The following C7 variants were observed in gnomAD, a reference collection of about 807,000 sequenced individuals.
C7 encodes complement C7, also known as complement component C7.
In C7, 83 loss-of-function variants were observed where a neutral mutation model predicts 104.8. The ratio of observed to expected loss-of-function variants is 0.79; its 90% CI spans 0.66 to 0.95. The LOEUF (loss-of-function observed/expected upper bound fraction) is 0.95, where lower values mean the gene tolerates loss of function less well. Among genes scored for constraint, C7 ranks in the 40% least tolerant of loss-of-function variants. The probability of loss-of-function intolerance (pLI) is 0.00; values close to 1 mark genes in which losing one functional copy is unlikely to be tolerated. For synonymous variants in C7, 415 were observed against 360.6 expected, an observed-to-expected ratio of 1.15 and a Z score of -1.71; for missense variants, 1,070 against 1,011.2, an observed-to-expected ratio of 1.06 and a Z score of -0.79.
At chr5:40,913,598 G>C (rs977250178) in intron 1 of C7, among the ~76,000 whole-genome samples, 1 of 152,152 alleles carries the variant, frequency 6.6e-6, no homozygotes, top group African/African-American at 2.4e-5. Flanking sequence ...GGGCTCAAGT[G>C]ATCCTCCTGC....
intron 1 of C7, among the ~76,000 whole-genome samples, chr5:40,925,905 T>G (rs1739541353): frequency 6.6e-6 from 1 of 152,164 alleles, no homozygotes; most frequent in African/African-American, 2.4e-5. Context: ...TCAAATTCTT[T>G]TTACAAGGCC....
In C7 at chr5:40,910,457, G is replaced by A. The variant is rs868824419; in HGVS notation, c.6+841G>A. 7.2e-5 allele frequency among the ~76,000 whole-genome samples: 11 copies of A among 152,172 alleles called. 2 individuals carry two copies. The South Asian group carries it at 1.2e-3, about 17-fold the overall frequency. ...CCATTGGGGCACCGAATCCAAGCTC[G>A]CTCATTATTGGGGTTAGAGGAGGAG... On this transcript the variant is annotated intron_variant, in intron 1 of 17. Coordinates refer to ENST00000313164, the MANE Select transcript of C7 (RefSeq NM_000587.4).
intron 1 of C7, among the ~76,000 whole-genome samples, chr5:40,920,009 T>C (rs891500589): frequency 1.3e-5 from 2 of 151,782 alleles, no homozygotes; most frequent in African/African-American, 4.8e-5. Context: ...ATAAATGAAA[T>C]AGAGACTAGA....
chr5:40,961,328 A>T (rs1343649704), intron 12 of C7, among the ~76,000 whole-genome samples: 2 of 152,184 alleles, frequency 1.3e-5, no homozygotes, highest in Non-Finnish European at 2.9e-5. Context: ...AATGCTTAGT[A>T]AAAGGTAGTT....
rs1458881997 is a variant in C7 at position 40,955,575 on chromosome 5, G to A, written c.1260+22G>A. ...AAAGGTATGTCAGGCTTTGTTTAAA[G>A]CAATAGGAAGCAGTCATGTTTATTT... On this transcript the variant is annotated intron_variant, in intron 10 of 17. Coordinates refer to ENST00000313164, the MANE Select transcript of C7 (RefSeq NM_000587.4). The A allele has an allele frequency of 1.2e-5, 19 of 1,595,216 alleles. 1 individual carries two copies. Among genetic ancestry groups the A allele is most frequent in the Non-Finnish European group, 1.6e-5 (19 of 1,169,670 alleles).
chr5:40,964,945 C>T, intron 14 of C7, 72 bp downstream of exon 14: 1 of 1,542,400 alleles, frequency 6.5e-7, no homozygotes, highest in South Asian at 1.1e-5. Context: ...AGATAAATAA[C>T]ACTCACCATA....
At chr5:40,960,953 C>T (rs1194317189) in intron 12 of C7, among the ~76,000 whole-genome samples, 1 of 152,112 alleles carries the variant, frequency 6.6e-6, no homozygotes, top group Non-Finnish European at 1.5e-5. Context: ...AGGATTGGCA[C>T]TTGTGGGATG....
rs141587432 is a variant in C7, at chr5:40,962,321, T to C, written c.1749+149T>C. ...AGTTTTAGTGGTGAGGGTTTTAGTG[T>C]GTGACTTTTTTTCTTTGGCCCAAGG... On this transcript the variant is annotated intron_variant, in intron 13 of 17. Coordinates refer to ENST00000313164, the MANE Select transcript of C7 (RefSeq NM_000587.4). The C allele has an allele frequency of 4.8e-4, 232 of 487,342 alleles. 1 individual carries two copies. The highest frequency in any genetic ancestry group is 3.8e-3 in the African/African-American group (197 of 52,074). The allele number at this position is 487,342 out of a possible 1,614,324, so 30.2% of individuals were successfully genotyped here.
chr5:40,945,412 T>A (rs543611288), intron 7 of C7, 44 bp downstream of exon 7: 194 of 1,330,954 alleles, frequency 1.5e-4, no homozygotes, highest in Admixed American at 4.3e-4. Context: ...TTTACTTTTT[T>A]AAGTATTGCT....
Position 40,964,338 on chromosome 5 carries a change from C to T in C7, c.1750-403C>T, listed in dbSNP as rs185432326. ...AATTACAGGCATGAGACACCATGCC[C>T]GGCCTGGTAATACCTTAATATGAAG... is the stretch of plus-strand genomic sequence containing the variant. On this transcript the variant is annotated intron_variant, in intron 13 of 17. Coordinates refer to ENST00000313164, the MANE Select transcript of C7 (RefSeq NM_000587.4). The T allele has an allele frequency of 2.2e-4, 37 of 167,804 alleles. No individual in the cohort carries two copies. In the South Asian group the frequency reaches 5.3e-3, roughly 24 times the overall value. 10.4% of individuals were successfully genotyped at this position (167,804 alleles called of 1,614,324 possible). A position where few individuals can be genotyped will look rare whatever the true frequency, so the allele number is the denominator to read the frequency against.
At chr5:40,910,277 A>C (rs1201493289) in intron 1 of C7, among the ~76,000 whole-genome samples, 1 of 152,246 alleles carries the variant, frequency 6.6e-6, no homozygotes, top group African/African-American at 2.4e-5. Flanking sequence ...TCATAGACTA[A>C]ATCTCTGGAA....
At chr5:40,951,179 A>G (rs1425356613) in intron 9 of C7, among the ~76,000 whole-genome samples, 1 of 152,176 alleles carries the variant, frequency 6.6e-6, no homozygotes, top group East Asian at 1.9e-4. Flanking sequence ...TGCTTTTGAG[A>G]AGTGTCCGTT....
chr5:40,981,597 T>G lies in C7; in HGVS notation c.*24T>G. ...AGGCTCCTGGAGGCCCTGGTCAGCTTGCTTGGAATCCAGCAGGCAGCTGGG... is the reference window on the plus strand; with the variant it reads ...AGGCTCCTGGAGGCCCTGGTCAGCTGGCTTGGAATCCAGCAGGCAGCTGGG... On this transcript the variant is annotated 3_prime_UTR_variant, in exon 18 of 18. Transcript: ENST00000313164. The G allele has an allele frequency of 6.3e-7, 1 of 1,580,432 alleles. No individual in the cohort carries two copies. The highest frequency in any genetic ancestry group is 8.6e-7 in the Non-Finnish European group (1 of 1,159,142).
rs1740830797 is a variant in C7, at chr5:40,976,859, C to A, written c.2165+19C>A. Reference sequence around the variant, plus strand: ...AATGTGGGTAAGTGCCGCCTTTGCTCATTTCTCTGTTTTATTTTATTAATG... The same window carrying A: ...AATGTGGGTAAGTGCCGCCTTTGCTAATTTCTCTGTTTTATTTTATTAATG... On this transcript the variant is annotated intron_variant, in intron 16 of 17. Coordinates refer to ENST00000313164, the MANE Select transcript of C7 (RefSeq NM_000587.4). The A allele has an allele frequency of 6.5e-7, 1 of 1,545,272 alleles. No individual in the cohort carries two copies. The highest frequency in any genetic ancestry group is 1.2e-5 in the South Asian group (1 of 83,934).
intron 1 of C7, among the ~76,000 whole-genome samples, chr5:40,917,312 A>G (rs1474076966): frequency 1.3e-5 from 2 of 151,562 alleles, no homozygotes; most frequent in South Asian, 2.1e-4. Context: ...TTTACTCTTT[A>G]CTTATTAGAC....
rs1740982116 is a variant in C7 at position 40,982,961 on chromosome 5, T to C, written c.*1388T>C. On this transcript the variant is annotated 3_prime_UTR_variant, in exon 18 of 18. Coordinates refer to ENST00000313164, the MANE Select transcript of C7 (RefSeq NM_000587.4). ...AGAATTGTTTCATTTGTATGATGTT[T>C]CATTTTAGAGAAGATTTTCATGATG... The C allele has an allele frequency of 6.6e-6, 1 of 152,380 alleles. No individual in the cohort carries two copies. Among genetic ancestry groups the C allele is most frequent in the South Asian group, 2.1e-4 (1 of 4,832 alleles). 9.4% of individuals were successfully genotyped at this position (152,380 alleles called of 1,614,324 possible).
rs10043425 is a variant in C7, at chr5:40,914,651, G to A, written c.6+5035G>A. On this transcript the variant is annotated intron_variant, in intron 1 of 17. Transcript: ENST00000313164. ...GAGTTGATTTTTGTATAAGGTGAGA[G>A]ACAGGAGGACCTTCACATTTTAAAG... 7.4e-3 allele frequency among the ~76,000 whole-genome samples: 1,128 copies of A among 152,226 alleles called. 18 individuals carry two copies. The highest frequency in any genetic ancestry group is 0.026 in the African/African-American group (1,084 of 41,530).
chr5:40,945,684 G>A (rs967034494), intron 7 of C7, among the ~76,000 whole-genome samples: 2 of 151,730 alleles, frequency 1.3e-5, no homozygotes, highest in African/African-American at 4.8e-5. Context: ...GGGCAACATA[G>A]CAAGACCCTG....
chr5:40,920,029 CAAAAGAT>C (rs1393083386), intron 1 of C7, among the ~76,000 whole-genome samples: 3 of 151,522 alleles, frequency 2.0e-5, no homozygotes, highest in Non-Finnish European at 4.4e-5. Context: ...AAAAACAATA[CAAAAGAT>C]AGATAAAATA....
Sources: allele counts gnomAD v4.1 joint callset (sites outside exome capture counted in the v4.1 genomes callset), GRCh38; gene constraint gnomAD v4.1.1; transcripts MANE v1.5; gene names NCBI Gene and HGNC (gene_info 2026-07-23, HGNC 2026-07-21).